Variants in SLCO1B1 observed in about 807,000 individuals in gnomAD.
SLCO1B1 encodes the protein OATP-2.
A neutral mutation model predicts 70.1 loss-of-function variants in SLCO1B1; 81 were observed. The ratio of observed to expected loss-of-function variants is 1.16; its 90% CI spans 0.97 to 1.39. The LOEUF (loss-of-function observed/expected upper bound fraction) is 1.39. Among genes scored for constraint, SLCO1B1 ranks in the 40% most tolerant of loss-of-function variants. The pLI, the probability that SLCO1B1 is intolerant of heterozygous loss-of-function variation, is 0.00. For missense variants in SLCO1B1, 895 were observed against 799.6 expected (o/e 1.12, Z -1.44); for synonymous variants, 283 against 271.5 (o/e 1.04, Z -0.42).
chr12:21,156,071 A>G (rs1024366450), intron 2 of SLCO1B1, among the ~76,000 whole-genome samples: 14 of 152,194 alleles, frequency 9.2e-5, no homozygotes, highest in Non-Finnish European at 2.1e-4. Context: ...TTTAATAGGG[A>G]AAGTATATAG....
At chr12:21,214,754 G>A (rs554268413) in intron 11 of SLCO1B1, among the ~76,000 whole-genome samples, 11 of 152,130 alleles carry the variant, frequency 7.2e-5, no homozygotes, top group Non-Finnish European at 1.3e-4. Context: ...GGTGCGGGAT[G>A]TAATCTCGTG....
At chr12:21,207,650 G>T (rs1420757710) in intron 11 of SLCO1B1, among the ~76,000 whole-genome samples, 1 of 151,962 alleles carries the variant, frequency 6.6e-6, no homozygotes, top group Admixed American at 6.6e-5. Flanking sequence ...TTTCCTTTGG[G>T]TATATACCCG....
chr12:21,175,747 T>C (rs948000195), intron 4 of SLCO1B1, among the ~76,000 whole-genome samples: 7 of 152,150 alleles, frequency 4.6e-5, no homozygotes, highest in Non-Finnish European at 8.8e-5. Context: ...CCATTTTTTT[T>C]CATCTGCTTT....
chr12:21,141,261 A>T (rs1055242487), intron 1 of SLCO1B1, among the ~76,000 whole-genome samples: 1 of 151,666 alleles, frequency 6.6e-6, no homozygotes, highest in East Asian at 1.9e-4. Context: ...GTGATTCTAT[A>T]TTACTTACTT....
chr12:21,198,407 T>A (rs1302791680), intron 8 of SLCO1B1, among the ~76,000 whole-genome samples: 1 of 152,146 alleles, frequency 6.6e-6, no homozygotes, highest in African/African-American at 2.4e-5. Context: ...CCAATAATTT[T>A]CATTTTGTAT....
At chr12:21,185,841 GA>G (rs1039898718) in intron 7 of SLCO1B1, among the ~76,000 whole-genome samples, 1 of 151,726 alleles carries the variant, frequency 6.6e-6, no homozygotes, top group Non-Finnish European at 1.5e-5. Flanking sequence ...GATTAACAAG[GA>G]AAAAAAGGAG....
At chr12:21,190,654 T>TA (rs1246330537) in intron 7 of SLCO1B1, among the ~76,000 whole-genome samples, 1 of 152,204 alleles carries the variant, frequency 6.6e-6, no homozygotes, top group African/African-American at 2.4e-5. Flanking sequence ...GTAGTTTTTT[T>TA]ATCCCTCAGT....
chr12:21,206,288 A>C lies in SLCO1B1; in HGVS notation c.1497+255A>C, dbSNP rs888063036. ...CCCACTTTTTTCCTTTGAGATTGTA[A>C]GACTATGACCTTTTAGAATTTGAAT... On this transcript the variant is annotated intron_variant, in intron 11 of 14. Coordinates refer to ENST00000256958, the MANE Select transcript of SLCO1B1 (RefSeq NM_006446.5). 3.2e-4 allele frequency among the ~76,000 whole-genome samples: 48 copies of C among 151,868 alleles called. 2 individuals are homozygous for C.
chr12:21,197,273 C>A, intron 8 of SLCO1B1, 85 bp downstream of exon 8: 1 of 1,458,812 alleles, frequency 6.9e-7, no homozygotes, highest in Non-Finnish European at 9.4e-7. Flanking sequence ...ATAAAGCATA[C>A]CCAACTCATC....
At chr12:21,150,508 A>G (rs571536052) in intron 2 of SLCO1B1, among the ~76,000 whole-genome samples, 4 of 152,234 alleles carry the variant, frequency 2.6e-5, no homozygotes, top group Admixed American at 2.6e-4. Context: ...ACAGGCCGCA[A>G]TCTCTGCTGT....
chr12:21,214,471 C>G (rs1243922607), intron 11 of SLCO1B1, among the ~76,000 whole-genome samples: 1 of 149,762 alleles, frequency 6.7e-6, no homozygotes, highest in Non-Finnish European at 1.5e-5. Flanking sequence ...TCAAAGCTGT[C>G]AGACAGGGAC....
At chr12:21,227,046 G>A (rs58487503) in intron 14 of SLCO1B1, among the ~76,000 whole-genome samples, 27,728 of 151,930 alleles carry the variant, frequency 0.18, 2,897 homozygotes, top group East Asian at 0.45. Flanking sequence ...CTTGGCAAAA[G>A]TACAGAACTT....
intron 2 of SLCO1B1, among the ~76,000 whole-genome samples, chr12:21,160,495 A>G (rs1463696023): frequency 6.6e-6 from 1 of 151,398 alleles, no homozygotes; most frequent in Non-Finnish European, 1.5e-5. Context: ...ATTATAAAAA[A>G]GGAAAAAAAA....
chr12:21,173,771 CTTT>C (rs55687335), intron 3 of SLCO1B1, among the ~76,000 whole-genome samples: 1 of 115,068 alleles, frequency 8.7e-6, no homozygotes, highest in Non-Finnish European at 1.7e-5. Flanking sequence ...GTGGTCATGA[CTTT>C]TTTTTTTTTT....
At chr12:21,228,295 A>G (rs1941500687) in intron 14 of SLCO1B1, among the ~76,000 whole-genome samples, 1 of 152,016 alleles carries the variant, frequency 6.6e-6, no homozygotes, top group Non-Finnish European at 1.5e-5. Context: ...TCAACTGTAT[A>G]CTTAAAAGAA....
Position 21,178,713 on chromosome 12 carries a change from T to C in SLCO1B1, c.619T>C (p.Leu207=). The C allele has an allele frequency of 1.9e-6, 3 of 1,603,632 alleles. No homozygotes were observed. Among genetic ancestry groups the C allele is most frequent in the South Asian group, 1.1e-5 (1 of 90,980 alleles). ...TTTCGCTAAAGAAGGACATTCTTCT[T>C]TGTATTTAGGTAATGTACACAAAAT... ...DDFAKEGHSS[L]YLGILNAIAM... The change falls in exon 6 of 15, where the codon TTG becomes CTG. Residue 207 remains leucine (L), a synonymous_variant. Transcript: ENST00000256958.
rs547160257 is a variant in SLCO1B1, at chr12:21,157,895, C to T, written c.85-14755C>T. ...GATTACAGGCGTGAGCCACCGTGCC[C>T]GGCCAAGACTGTATAATTTGTTCCT... On this transcript the variant is annotated intron_variant, in intron 2 of 14. Coordinates refer to ENST00000256958, the MANE Select transcript of SLCO1B1 (RefSeq NM_006446.5). Among the ~76,000 whole-genome samples, 27 of 152,014 alleles carry T rather than the reference C, an allele frequency of 1.8e-4. No individual in the cohort carries two copies. The South Asian group carries it at 5.0e-3, about 28-fold the overall frequency.
At chr12:21,144,795 A>G (rs1209881112) in intron 2 of SLCO1B1, among the ~76,000 whole-genome samples, 1 of 152,136 alleles carries the variant, frequency 6.6e-6, no homozygotes, top group Admixed American at 6.6e-5. Context: ...GCAACTAAGA[A>G]TTTTATATTC....
intron 14 of SLCO1B1, among the ~76,000 whole-genome samples, chr12:21,236,214 C>T (rs1941594539): frequency 6.6e-6 from 1 of 152,106 alleles, no homozygotes; most frequent in South Asian, 2.1e-4. Context: ...CTCTTTGTCC[C>T]AGGGGAAGCT....
Sources: allele counts gnomAD v4.1 joint callset (sites outside exome capture counted in the v4.1 genomes callset), GRCh38; gene constraint gnomAD v4.1.1; transcripts MANE v1.5; gene names NCBI Gene and HGNC (gene_info 2026-07-23, HGNC 2026-07-21).